The following MEIS2 variants were observed in gnomAD, a reference collection of about 807,000 sequenced individuals.
The protein encoded by MEIS2 is Meis homeobox 2.
A neutral mutation model predicts 58.6 loss-of-function variants in MEIS2; 9 were observed. The observed-to-expected ratio is 0.15, with a 90% confidence interval of 0.09 to 0.27. The LOEUF (loss-of-function observed/expected upper bound fraction) is 0.27, where lower values mean the gene tolerates loss of function less well. Among genes scored for constraint, MEIS2 ranks in the 10% least tolerant of loss-of-function variants. The pLI is 1.00. For synonymous variants in MEIS2, 221 were observed against 228.4 expected (o/e 0.97, Z 0.29); for missense variants, 427 against 635.0 (o/e 0.67, Z 3.52).
chr15:36,980,092 T>G (rs1362042793), intron 8 of MEIS2, among the ~76,000 whole-genome samples: 1 of 152,022 alleles, frequency 6.6e-6, no homozygotes, highest in Non-Finnish European at 1.5e-5. Flanking sequence ...AATTCATTTT[T>G]GGGGTACTTT....
chr15:36,978,111 C>T (rs1351823294), intron 8 of MEIS2, among the ~76,000 whole-genome samples: 2 of 152,182 alleles, frequency 1.3e-5, no homozygotes, highest in East Asian at 3.9e-4. Flanking sequence ...TAAGATGATA[C>T]ATTATAAACA....
intron 8 of MEIS2, among the ~76,000 whole-genome samples, chr15:37,000,893 A>G (rs2060700954): frequency 6.6e-6 from 1 of 152,098 alleles, no homozygotes; most frequent in South Asian, 2.1e-4. Flanking sequence ...CTTGAAAGAA[A>G]AGTCCACTTC....
intron 9 of MEIS2, among the ~76,000 whole-genome samples, chr15:36,949,317 T>C (rs907160541): frequency 1.3e-5 from 2 of 151,920 alleles, no homozygotes; most frequent in Admixed American, 6.6e-5. Flanking sequence ...ACAAAATCAA[T>C]TGACCCTCGG....
At chr15:36,937,115 G>T (rs698455) in intron 9 of MEIS2, among the ~76,000 whole-genome samples, 116,540 of 152,164 alleles carry the variant, frequency 0.77, 45,375 homozygotes, top group African/African-American at 0.91. Context: ...GTTTTGAGGT[G>T]GGATATGATA....
At chr15:36,905,576 G>A (rs2056693127) in intron 9 of MEIS2, among the ~76,000 whole-genome samples, 1 of 152,126 alleles carries the variant, frequency 6.6e-6, no homozygotes, top group South Asian at 2.1e-4. Context: ...GGAAGGTAAA[G>A]CTAGGTATAA....
At chr15:37,028,946 C>T (rs1040815090) in intron 8 of MEIS2, among the ~76,000 whole-genome samples, 1 of 151,574 alleles carries the variant, frequency 6.6e-6, no homozygotes, top group East Asian at 1.9e-4. Flanking sequence ...AACACTCAAG[C>T]TTACAGTTAA....
intron 9 of MEIS2, among the ~76,000 whole-genome samples, chr15:36,948,180 A>G (rs565762634): frequency 6.6e-6 from 1 of 152,082 alleles, no homozygotes; most frequent in African/African-American, 2.4e-5. Context: ...GTCAACGTTT[A>G]TGCTGTATTA....
At chr15:36,905,452 G>A (rs1351866482) in intron 9 of MEIS2, among the ~76,000 whole-genome samples, 1 of 152,058 alleles carries the variant, frequency 6.6e-6, no homozygotes, top group Non-Finnish European at 1.5e-5. Flanking sequence ...CCAGTCAAAA[G>A]TTACTAATCA....
chr15:37,027,896 C>T (rs188217754), intron 8 of MEIS2, among the ~76,000 whole-genome samples: 13 of 152,188 alleles, frequency 8.5e-5, no homozygotes, highest in African/African-American at 2.6e-4. Context: ...CACCCCCTAC[C>T]GGAGTAGCAC....
chr15:37,007,953 AT>A (rs1302408006), intron 8 of MEIS2, among the ~76,000 whole-genome samples: 1 of 152,154 alleles, frequency 6.6e-6, no homozygotes, highest in Non-Finnish European at 1.5e-5. Flanking sequence ...AAAACCTAAC[AT>A]TCTCCTCTTC....
At chr15:36,923,122 C>G (rs1567057234) in intron 9 of MEIS2, among the ~76,000 whole-genome samples, 1 of 152,106 alleles carries the variant, frequency 6.6e-6, no homozygotes, top group Non-Finnish European at 1.5e-5. Flanking sequence ...AGAAGAAAAA[C>G]AAGCTGCACA....
chr15:37,078,496 A>G (rs182035641), intron 7 of MEIS2, among the ~76,000 whole-genome samples: 97 of 147,434 alleles, frequency 6.6e-4, no homozygotes, highest in African/African-American at 2.3e-3. Context: ...ATTAAAGCAC[A>G]TCTCCATTAA....
chr15:36,920,917 G>A (rs535331184), intron 9 of MEIS2, among the ~76,000 whole-genome samples: 18 of 152,236 alleles, frequency 1.2e-4, no homozygotes, highest in African/African-American at 4.1e-4. Context: ...AGCGCTCACG[G>A]CCGGGAGGTA....
At chr15:37,032,822 C>G (rs2061984498) in intron 8 of MEIS2, among the ~76,000 whole-genome samples, 1 of 152,016 alleles carries the variant, frequency 6.6e-6, no homozygotes, top group African/African-American at 2.4e-5. Context: ...AAAATTGAGG[C>G]TAATTATTAA....
intron 7 of MEIS2, among the ~76,000 whole-genome samples, chr15:37,056,187 T>C (rs1888373800): frequency 6.6e-6 from 1 of 152,198 alleles, no homozygotes; most frequent in South Asian, 2.1e-4. Context: ...AGAATAAAAA[T>C]GGATATTATG....
chr15:36,896,502 A>AT, intron 10 of MEIS2, 126 bp downstream of exon 10: 2 of 695,976 alleles, frequency 2.9e-6, no homozygotes, highest in African/African-American at 1.9e-5. Context: ...TTCTGGGGAC[A>AT]TTAAAAAAAA....
intron 8 of MEIS2, among the ~76,000 whole-genome samples, chr15:36,955,784 A>G (rs2058940431): frequency 6.6e-6 from 1 of 152,088 alleles, no homozygotes; most frequent in African/African-American, 2.4e-5. Context: ...AACAGTATGT[A>G]TCTCTTGATT....
intron 7 of MEIS2, among the ~76,000 whole-genome samples, chr15:37,037,380 T>C (rs2062201168): frequency 6.6e-6 from 1 of 152,250 alleles, no homozygotes; most frequent in African/African-American, 2.4e-5. Flanking sequence ...TGACAGTAAC[T>C]GTGTCACTGT....
chr15:36,948,612 G>C (rs530071927), intron 9 of MEIS2, among the ~76,000 whole-genome samples: 1 of 151,974 alleles, frequency 6.6e-6, no homozygotes, highest in South Asian at 2.1e-4. Flanking sequence ...TGTTAACTGC[G>C]TCATGGACCA....
Sources: allele counts gnomAD v4.1 joint callset (sites outside exome capture counted in the v4.1 genomes callset), GRCh38; gene constraint gnomAD v4.1.1; transcripts MANE v1.5; gene names NCBI Gene and HGNC (gene_info 2026-07-23, HGNC 2026-07-21).